OPRM1: variants seen among roughly 807,000 people sequenced by gnomAD.
The protein encoded by OPRM1 is opioid receptor mu 1.
Under a neutral mutation model 31.8 loss-of-function variants are expected in OPRM1, and 27 were observed. That is an observed-to-expected ratio of 0.85 (90% CI 0.63 to 1.17). The LOEUF (loss-of-function observed/expected upper bound fraction) is 1.17, where lower values mean the gene tolerates loss of function less well. OPRM1 is among the 50% of genes most tolerant of loss of function. OPRM1 has a pLI of 0.00. For synonymous variants in OPRM1, 196 were observed against 189.9 expected, an observed-to-expected ratio of 1.03 and a Z score of -0.26; for missense variants, 536 against 511.1, an observed-to-expected ratio of 1.05 and a Z score of -0.47.
At chr6:154,219,006 G>A (rs527793455) in intron 3 of OPRM1, 1 of 152,166 alleles carries the variant, frequency 6.6e-6, no homozygotes, top group East Asian at 1.9e-4. Flanking sequence ...CCAACAGGAT[G>A]AAGTATTTAT....
chr6:154,064,634 G>A (rs991748751), intron 1 of OPRM1, among the ~76,000 whole-genome samples: 1 of 151,996 alleles, frequency 6.6e-6, no homozygotes, highest in African/African-American at 2.4e-5. Flanking sequence ...TTTATATTTA[G>A]GTCTTTGATC....
chr6:154,127,695 CCAATATCCTGACTAGCA>C lies in OPRM1; in HGVS notation c.*8978_*8994del. Among the ~76,000 whole-genome samples, 1 of 152,322 alleles carries C rather than the reference CCAATATCCTGACTAGCA, an allele frequency of 6.6e-6. No individual in the cohort carries two copies. Among genetic ancestry groups the C allele is most frequent in the Middle Eastern group, 3.4e-3 (1 of 294 alleles). ...CTTAGAGCCAGTCAGAATTCAATCT[CCAATATCCTGACTAGCA>C]CAAGAAATCCATAGGTTGATTCTTG... On this transcript the variant is annotated 3_prime_UTR_variant, in exon 4 of 4. Coordinates refer to ENST00000330432, the MANE Select transcript of OPRM1 (RefSeq NM_000914.5).
rs187967189 is a variant in OPRM1, at chr6:154,070,857, C to G, written c.291-18969C>G. On this transcript the variant is annotated intron_variant, in intron 1 of 3. Transcript: ENST00000330432. Reference sequence around the variant, plus strand: ...GTGGGTTCACAGCATTTTAATGGAGCCAACTTTGCTCTTAAGATGAGTAAG... The same window carrying G: ...GTGGGTTCACAGCATTTTAATGGAGGCAACTTTGCTCTTAAGATGAGTAAG... Among the ~76,000 whole-genome samples the G allele has an allele frequency of 2.0e-5, 3 of 152,252 alleles. No homozygotes were observed. In the East Asian group the frequency reaches 5.8e-4, roughly 29 times the overall value.
At chr6:154,010,551 G>GCCCT in exon 1 of OPRM1, 1 of 1,546,270 alleles carries the variant, frequency 6.5e-7, no homozygotes. Context: ...AAGCTGGGAA[G>GCCCT]CCCTCCAGGT....
chr6:154,223,308 T>A, intron 3 of OPRM1: 2 of 1,214,228 alleles, frequency 1.6e-6, no homozygotes, highest in Non-Finnish European at 1.2e-6. Flanking sequence ...TGCATTGAGA[T>A]CATATACATG....
rs1797667859 is a variant in OPRM1 at position 154,127,612 on chromosome 6, A to G, written c.*8891A>G. Among the ~76,000 whole-genome samples, 3 of 152,192 alleles carry G rather than the reference A, an allele frequency of 2.0e-5. No homozygotes were observed. In the South Asian group the frequency reaches 6.2e-4, roughly 32 times the overall value. ...CTTGACATTGTGGTGGGCCGGCTAC[A>G]ACCCTCCCCACCCCTCGCTTTCACT... On this transcript the variant is annotated 3_prime_UTR_variant, in exon 4 of 4. Coordinates refer to ENST00000330432, the MANE Select transcript of OPRM1 (RefSeq NM_000914.5).
chr6:154,051,302 C>T (rs607759), intron 1 of OPRM1, among the ~76,000 whole-genome samples: 28,335 of 152,144 alleles, frequency 0.19, 2,946 homozygotes, highest in Admixed American at 0.27. Context: ...GCTCTAGGAC[C>T]GTGAATTAGC....
chr6:154,099,284 AAAGGAAGG>A (rs1161451260), intron 3 of OPRM1, among the ~76,000 whole-genome samples: 2 of 45,074 alleles, frequency 4.4e-5, no homozygotes, highest in South Asian at 7.9e-4. Flanking sequence ...GAGTCTGTCG[AAAGGAAGG>A]AAGGAAGGAA....
intron 3 of OPRM1, among the ~76,000 whole-genome samples, chr6:154,100,173 A>T (rs1463888948): frequency 8.5e-6 from 1 of 117,128 alleles, no homozygotes; most frequent in Non-Finnish European, 1.6e-5. Flanking sequence ...CATAATATAT[A>T]TTATCATATT....
At chr6:154,137,779 A>G (rs188145159) in intron 3 of OPRM1, among the ~76,000 whole-genome samples, 7 of 152,348 alleles carry the variant, frequency 4.6e-5, no homozygotes, top group African/African-American at 1.7e-4. Flanking sequence ...CTTCACAGGT[A>G]AAATAGAAGT....
intron 1 of OPRM1, among the ~76,000 whole-genome samples, chr6:154,084,611 A>G (rs1790058114): frequency 6.6e-6 from 1 of 152,210 alleles, no homozygotes; most frequent in African/African-American, 2.4e-5. Context: ...GTATTAAAGT[A>G]TGACACTCTA....
chr6:154,223,603 T>C (rs1428387835), intron 3 of OPRM1, among the ~76,000 whole-genome samples: 1 of 152,234 alleles, frequency 6.6e-6, no homozygotes, highest in Non-Finnish European at 1.5e-5. Flanking sequence ...GCATCTTCTA[T>C]TCCTACGACT....
intron 3 of OPRM1, chr6:154,108,090 T>C: frequency 1.6e-6 from 1 of 637,140 alleles, no homozygotes; most frequent in Admixed American, 2.5e-5. Context: ...CTGGGTTCCC[T>C]TTCCCTGAGC....
intron 1 of OPRM1, chr6:154,073,885 G>A (rs901493263): frequency 2.0e-5 from 3 of 152,252 alleles, no homozygotes; most frequent in Non-Finnish European, 2.9e-5. Context: ...CCAGCTACTC[G>A]GGAGGCTGAG....
At chr6:154,197,892 T>C (rs1308208066) in intron 3 of OPRM1, among the ~76,000 whole-genome samples, 4 of 152,228 alleles carry the variant, frequency 2.6e-5, no homozygotes, top group African/African-American at 7.2e-5. Context: ...TAAGCGTTTG[T>C]AGGAGAAAAA....
intron 3 of OPRM1, chr6:154,217,279 C>T (rs790260): frequency 0.51 from 79,868 of 156,296 alleles, 21,289 homozygotes; most frequent in African/African-American, 0.64. Context: ...TCACTAAGCA[C>T]ATCCAGGTGA....
rs554726449 is a variant in OPRM1, at chr6:154,131,046, G to A, written c.*12325G>A. ...TAGCAAATAGGAAAGTTAAAAAAAA[G>A]TAAGTCTAAAGATTAGGTGCTCTGT... On this transcript the variant is annotated 3_prime_UTR_variant, in exon 4 of 4. Coordinates refer to ENST00000330432, the MANE Select transcript of OPRM1 (RefSeq NM_000914.5). Among the ~76,000 whole-genome samples, 1 of 152,056 alleles carries A rather than the reference G, an allele frequency of 6.6e-6. No individual in the cohort carries two copies. The highest frequency in any genetic ancestry group is 1.5e-5 in the Non-Finnish European group (1 of 67,990).
chr6:154,080,150 T>C (rs1018532059), intron 1 of OPRM1, among the ~76,000 whole-genome samples: 10 of 152,244 alleles, frequency 6.6e-5, no homozygotes, highest in Non-Finnish European at 1.0e-4. Flanking sequence ...TGGGGACATT[T>C]CTATCAAGAT....
rs1791727523 is a variant in OPRM1 at position 154,090,148 on chromosome 6, A to G, written c.613A>G (p.Met205Val). 1.9e-6 allele frequency: 3 copies of G among 1,613,466 alleles called. No individual in the cohort carries two copies. The highest frequency in any genetic ancestry group is 1.7e-5 in the Admixed American group (1 of 59,974). The change falls in exon 2 of 4, where the codon ATG becomes GTG. Residue 205 changes from methionine (M) to valine (V), a missense_variant. Physicochemically the swap from Met to Val is conservative, Grantham distance 21. Transcript: ENST00000330432. ...CTCTTCAGCCATTGGTCTTCCTGTA[A>G]TGTTCATGGCTACAACAAAATACAG... ...ILSSAIGLPV[M>V]FMATTKYRQG...
Sources: allele counts gnomAD v4.1 joint callset (sites outside exome capture counted in the v4.1 genomes callset), GRCh38; gene constraint gnomAD v4.1.1; transcripts MANE v1.5; gene names NCBI Gene and HGNC (gene_info 2026-07-23, HGNC 2026-07-21).